The following SCAI variants were observed in gnomAD, a reference collection of about 807,000 sequenced individuals.
SCAI encodes the protein protein SCAI.
Under a neutral mutation model 92.2 loss-of-function variants are expected in SCAI, and 24 were observed. The ratio of observed to expected loss-of-function variants is 0.26; its 90% CI spans 0.19 to 0.37. The LOEUF (loss-of-function observed/expected upper bound fraction) is 0.37, where lower values mean the gene tolerates loss of function less well. Among genes scored for constraint, SCAI ranks in the 10% least tolerant of loss-of-function variants. SCAI has a pLI of 1.00. For synonymous variants in SCAI, 261 were observed against 258.6 expected (o/e 1.01, Z -0.09); for missense variants, 450 against 736.2 (o/e 0.61, Z 4.50).
intron 2 of SCAI, among the ~76,000 whole-genome samples, chr9:125,119,088 C>T (rs1835106996): frequency 6.6e-6 from 1 of 152,118 alleles, no homozygotes; most frequent in Non-Finnish European, 1.5e-5. Flanking sequence ...GGAGGATTAC[C>T]TAAGCCCACA....
chr9:124,970,437 G>A (rs74412377), intron 17 of SCAI, among the ~76,000 whole-genome samples: 82 of 151,920 alleles, frequency 5.4e-4, no homozygotes, highest in African/African-American at 1.9e-3. Context: ...AAAATTTCAG[G>A]GCCGGGTGCA....
intron 17 of SCAI, among the ~76,000 whole-genome samples, chr9:124,960,420 G>A (rs941372761): frequency 3.3e-5 from 5 of 152,146 alleles, no homozygotes; most frequent in East Asian, 3.9e-4. Context: ...CTGTACAACT[G>A]CCATGTATTC....
At chr9:125,020,564 G>A in intron 7 of SCAI, 109 bp downstream of exon 7, 1 of 561,430 alleles carries the variant, frequency 1.8e-6, no homozygotes, top group East Asian at 3.5e-5. Flanking sequence ...TTTGAATATT[G>A]TAATTATTGA....
intron 2 of SCAI, among the ~76,000 whole-genome samples, chr9:125,087,445 C>A (rs1834344270): frequency 6.6e-6 from 1 of 152,154 alleles, no homozygotes; most frequent in African/African-American, 2.4e-5. Context: ...AGTAACTAGT[C>A]CCCAGAGGCC....
chr9:125,035,299 G>A (rs1392593572), intron 3 of SCAI, among the ~76,000 whole-genome samples: 4 of 152,118 alleles, frequency 2.6e-5, no homozygotes, highest in Admixed American at 6.5e-5. Context: ...GGACTGCAGT[G>A]AGCTGTGATC....
intron 2 of SCAI, among the ~76,000 whole-genome samples, chr9:125,077,965 C>CA (rs963388538): frequency 1.8e-5 from 2 of 113,392 alleles, no homozygotes; most frequent in African/African-American, 6.2e-5. Flanking sequence ...GTGATCCACA[C>CA]CCCCCCCGCC....
chr9:125,092,791 G>A (rs1289767641), intron 2 of SCAI, among the ~76,000 whole-genome samples: 4 of 152,152 alleles, frequency 2.6e-5, no homozygotes, highest in Non-Finnish European at 4.4e-5. Context: ...TGCTCCTCTA[G>A]CCTTCATGCT....
At chr9:125,094,907 C>T (rs1834513569) in intron 2 of SCAI, among the ~76,000 whole-genome samples, 1 of 152,078 alleles carries the variant, frequency 6.6e-6, no homozygotes, top group Non-Finnish European at 1.5e-5. Context: ...AATAGTTACA[C>T]AAGAAACTAC....
intron 3 of SCAI, among the ~76,000 whole-genome samples, chr9:125,037,640 T>TACAGTGGCTCAAGC (rs1333489128): frequency 2.0e-5 from 3 of 152,112 alleles, no homozygotes; most frequent in African/African-American, 4.8e-5. Flanking sequence ...CTTGGCCGGG[T>TACAGTGGCTCAAGC]ACAGTGGCTC....
At chr9:125,029,995 T>A (rs889525425) in intron 3 of SCAI, among the ~76,000 whole-genome samples, 1 of 152,208 alleles carries the variant, frequency 6.6e-6, no homozygotes, top group East Asian at 1.9e-4. Flanking sequence ...AGGTTTCTGG[T>A]CCTCTCTTCC....
At chr9:125,088,070 C>T (rs1020512357) in intron 2 of SCAI, among the ~76,000 whole-genome samples, 3 of 151,992 alleles carry the variant, frequency 2.0e-5, no homozygotes, top group East Asian at 1.9e-4. Context: ...TTTGTTGATA[C>T]GTCAATAGAA....
rs34484716 is a variant in SCAI, at chr9:125,125,831, CA to C, written c.98+16801del. Among the ~76,000 whole-genome samples, 261 of 81,964 alleles carry C rather than the reference CA, an allele frequency of 3.2e-3. 4 individuals are homozygous for C. The highest frequency in any genetic ancestry group is 6.9e-3 in the South Asian group (18 of 2,594). 53.8% of individuals were successfully genotyped at this position (81,964 alleles called of 152,430 possible). The stretch of plus-strand genomic sequence containing the variant: ...GGGCGACAGAGTAAAGACTTTGTCT[CA>C]AAAAAAAAAAAAAAAAAGATAGCTG... On this transcript the variant is annotated intron_variant, in intron 2 of 17. Coordinates refer to ENST00000336505, the MANE Select transcript of SCAI (RefSeq NM_001144877.3).
At chr9:125,097,670 A>G (rs1834586778) in intron 2 of SCAI, among the ~76,000 whole-genome samples, 1 of 151,856 alleles carries the variant, frequency 6.6e-6, no homozygotes, top group African/African-American at 2.4e-5. Flanking sequence ...AAGAGAAAGA[A>G]GTAGGAAGAT....
At chr9:125,067,455 AGC>A in intron 2 of SCAI, among the ~76,000 whole-genome samples, 1 of 152,300 alleles carries the variant, frequency 6.6e-6, no homozygotes, top group East Asian at 1.9e-4. Context: ...GAAGGAAGGC[AGC>A]CACGTGAAGA....
At chr9:125,035,809 G>A (rs1253830904) in intron 3 of SCAI, among the ~76,000 whole-genome samples, 2 of 152,160 alleles carry the variant, frequency 1.3e-5, no homozygotes, top group Non-Finnish European at 2.9e-5. Context: ...TGCAATCCTA[G>A]CACTTTGGGA....
Position 124,948,886 on chromosome 9 carries a change from TTAAA to T in SCAI, c.*3917_*3920del, listed in dbSNP as rs113058117. ...ATTTAAATTTTTATGAATTATAAAA[TTAAA>T]TACATTAGGGTTTAAATTTTTTTAT... On this transcript the variant is annotated 3_prime_UTR_variant, in exon 18 of 18. Coordinates refer to ENST00000336505, the MANE Select transcript of SCAI (RefSeq NM_001144877.3). The T allele has an allele frequency of 6.6e-6, 1 of 152,336 alleles. No individual in the cohort carries two copies. Among genetic ancestry groups the T allele is most frequent in the African/African-American group, 2.4e-5 (1 of 41,584 alleles). 9.4% of individuals were successfully genotyped at this position (152,336 alleles called of 1,614,324 possible).
At chr9:125,134,915 A>T (rs1835488438) in intron 2 of SCAI, among the ~76,000 whole-genome samples, 1 of 152,096 alleles carries the variant, frequency 6.6e-6, no homozygotes, top group Non-Finnish European at 1.5e-5. Context: ...GCCTTAGGTG[A>T]TCCGCCCGCC....
intron 2 of SCAI, among the ~76,000 whole-genome samples, chr9:125,088,901 T>C (rs1013881811): frequency 5.9e-5 from 9 of 152,238 alleles, no homozygotes; most frequent in Admixed American, 5.2e-4. Flanking sequence ...TCTGGTACAC[T>C]GTAGAGTGTT....
intron 2 of SCAI, among the ~76,000 whole-genome samples, chr9:125,062,536 G>A (rs1012818218): frequency 6.6e-6 from 1 of 151,256 alleles, no homozygotes; most frequent in African/African-American, 2.4e-5. Context: ...GGATCACAAG[G>A]TCAAAGGAGT....
Sources: allele counts gnomAD v4.1 joint callset (sites outside exome capture counted in the v4.1 genomes callset), GRCh38; gene constraint gnomAD v4.1.1; transcripts MANE v1.5; gene names NCBI Gene and HGNC (gene_info 2026-07-23, HGNC 2026-07-21).